SLC44A5: variants seen among roughly 807,000 people sequenced by gnomAD.
SLC44A5 encodes the protein solute carrier family 44 member 5.
In SLC44A5, 57 loss-of-function variants were observed where a neutral mutation model predicts 101.8. The observed-to-expected ratio is 0.56, with a 90% CI of 0.45 to 0.70. The LOEUF is 0.70. Among genes scored for constraint, SLC44A5 ranks in the 30% least tolerant of loss-of-function variants. The pLI is 0.00. For synonymous variants in SLC44A5, 281 were observed against 290.9 expected, an observed-to-expected ratio of 0.97 and a Z score of 0.35; for missense variants, 737 against 853.1, an observed-to-expected ratio of 0.86 and a Z score of 1.70.
chr1:75,359,065 C>A (rs188858976), intron 3 of SLC44A5, among the ~76,000 whole-genome samples: 1 of 152,050 alleles, frequency 6.6e-6, no homozygotes, highest in African/African-American at 2.4e-5. Context: ...TTTGAGATTG[C>A]CCATGTAAGT....
chr1:75,630,578 A>G, the SLC44A5 span, among the ~76,000 whole-genome samples: 6 of 150,646 alleles, frequency 4.0e-5, no homozygotes, highest in Admixed American at 4.0e-4. Flanking sequence ...CATCTACCAC[A>G]TTCTGCCTTT....
At chr1:75,704,481 C>A in the SLC44A5 span, among the ~76,000 whole-genome samples, 2 of 152,062 alleles carry the variant, frequency 1.3e-5, no homozygotes, top group Admixed American at 1.3e-4. Context: ...TTCTTATGTT[C>A]TGGTTAGTTT....
At chr1:75,572,570 T>C in intron 1 of SLC44A5, among the ~76,000 whole-genome samples, 1 of 152,186 alleles carries the variant, frequency 6.6e-6, no homozygotes, top group Non-Finnish European at 1.5e-5. Flanking sequence ...GAATATTGTT[T>C]ATTGGCTTAG....
In SLC44A5 at chr1:75,215,845, G is replaced by A; in HGVS notation, c.1637C>T (p.Thr546Ile). Residue 546 changes from threonine (T) to isoleucine (I), a missense_variant, in exon 19 of 24, where the codon ACA (threonine) becomes ATA (isoleucine). Around this residue, in one of 3 missense-constraint regions of SLC44A5, gnomAD observed 665 missense variants for 764.4 expected, o/e 0.87. Coordinates refer to ENST00000370859, the MANE Select transcript of SLC44A5 (RefSeq NM_001130058.2). Reference protein sequence around the residue: ...LDHRLKRTQNTLSKFLQCCLR... With the variant: ...LDHRLKRTQNILSKFLQCCLR... ...GCAGCATTGTAGGAATTTAGACAATGTGTTCTGGGTACCTATGAGAAGGAG... is the reference window on the plus strand; with the variant it reads ...GCAGCATTGTAGGAATTTAGACAATATGTTCTGGGTACCTATGAGAAGGAG... The A allele has an allele frequency of 6.3e-7, 1 of 1,579,358 alleles. No individual in the cohort carries two copies. The highest frequency in any genetic ancestry group is 8.7e-7 in the Non-Finnish European group (1 of 1,150,276).
intron 3 of SLC44A5, among the ~76,000 whole-genome samples, chr1:75,390,044 A>T (rs939743515): frequency 6.6e-6 from 1 of 152,182 alleles, no homozygotes; most frequent in Non-Finnish European, 1.5e-5. Context: ...GAATACATCT[A>T]TCTAAACAAA....
chr1:75,428,597 C>T (rs1017186812), intron 2 of SLC44A5, among the ~76,000 whole-genome samples: 2 of 152,094 alleles, frequency 1.3e-5, no homozygotes, highest in African/African-American at 4.8e-5. Context: ...ATTAGCTTCA[C>T]CAAGAGGGCA....
chr1:75,206,684 T>C, intron 23 of SLC44A5: 1 of 1,612,924 alleles, frequency 6.2e-7, no homozygotes, highest in Non-Finnish European at 8.5e-7. Context: ...AAGTAGGGTT[T>C]TTCTGTAGAT....
At chr1:75,683,681 C>T in the SLC44A5 span, among the ~76,000 whole-genome samples, 4,635 of 151,964 alleles carry the variant, frequency 0.031, 98 homozygotes, top group Middle Eastern at 0.048. Context: ...GGGTGCAGCG[C>T]ACCAGCATGG....
At chr1:75,615,852 C>T, upstream of SLC44A5, 1 of 988,042 alleles carries the variant, frequency 1.0e-6, no homozygotes, top group Non-Finnish European at 1.2e-6. Context: ...GCGGGACTCA[C>T]CCTTGATGCT....
the SLC44A5 span, among the ~76,000 whole-genome samples, chr1:75,666,173 A>T: frequency 6.6e-6 from 1 of 152,210 alleles, no homozygotes; most frequent in Non-Finnish European, 1.5e-5. Flanking sequence ...ATGCACTCAC[A>T]TGTTCATTGC....
chr1:75,403,005 TG>T (rs1557748373), intron 2 of SLC44A5, among the ~76,000 whole-genome samples: 1 of 152,056 alleles, frequency 6.6e-6, no homozygotes, highest in Non-Finnish European at 1.5e-5. Context: ...TTGAGGTTGA[TG>T]GGGGGAGGGA....
chr1:75,549,072 G>A (rs1347528858), intron 1 of SLC44A5, among the ~76,000 whole-genome samples: 1 of 152,106 alleles, frequency 6.6e-6, no homozygotes, highest in Non-Finnish European at 1.5e-5. Context: ...AGGAAATCTA[G>A]TCAACATCTG....
At chr1:75,318,944 C>T (rs931293832) in intron 4 of SLC44A5, among the ~76,000 whole-genome samples, 2 of 152,098 alleles carry the variant, frequency 1.3e-5, no homozygotes, top group African/African-American at 4.8e-5. Context: ...CTCCCAACCC[C>T]CCCTGCCAAC....
chr1:75,418,734 A>T (rs981542494), intron 2 of SLC44A5, among the ~76,000 whole-genome samples: 3 of 152,224 alleles, frequency 2.0e-5, no homozygotes, highest in African/African-American at 7.2e-5. Context: ...CCTAAATGCA[A>T]TAGATTTGCT....
intron 4 of SLC44A5, among the ~76,000 whole-genome samples, chr1:75,325,429 G>A (rs543596505): frequency 1.3e-5 from 2 of 152,146 alleles, no homozygotes; most frequent in African/African-American, 2.4e-5. Context: ...ATGAAAAAAG[G>A]GAGATTTTTA....
intron 2 of SLC44A5, among the ~76,000 whole-genome samples, chr1:75,412,087 C>T (rs1430847726): frequency 6.6e-6 from 1 of 152,030 alleles, no homozygotes; most frequent in African/African-American, 2.4e-5. Context: ...GAGGAAAAAA[C>T]AGGAAGAAAA....
chr1:75,230,174 G>T (rs1469250658), intron 12 of SLC44A5, among the ~76,000 whole-genome samples: 1 of 152,006 alleles, frequency 6.6e-6, no homozygotes, highest in East Asian at 1.9e-4. Context: ...ATGTATGCCT[G>T]GACGTTTTTG....
chr1:75,523,468 A>G (rs1043456063), intron 2 of SLC44A5, among the ~76,000 whole-genome samples: 1 of 147,150 alleles, frequency 6.8e-6, no homozygotes, highest in African/African-American at 2.5e-5. Flanking sequence ...ACCTAACACC[A>G]CGCCCAGCTA....
intron 1 of SLC44A5, among the ~76,000 whole-genome samples, chr1:75,609,348 G>C (rs988490498): frequency 4.6e-5 from 7 of 151,744 alleles, no homozygotes; most frequent in African/African-American, 1.7e-4. Context: ...ATATATTTAT[G>C]GTGTGAAACC....
Sources: gnomAD v4.1 joint callset for allele counts (sites outside exome capture counted in the v4.1 genomes callset) on GRCh38, gnomAD v4.1.1 for gene constraint, gnomAD v4.1.1 regional missense constraint, MANE v1.5 for transcripts, NCBI Gene and HGNC (gene_info 2026-07-23, HGNC 2026-07-21) for gene names.